The following MEOX2 variants were observed in gnomAD, a reference collection of about 807,000 sequenced individuals.
MEOX2 encodes the protein mesenchyme homeobox 2, also known as homeobox protein MOX-2.
A neutral mutation model predicts 27.0 loss-of-function variants in MEOX2; 11 were observed. The observed-to-expected ratio is 0.41, with a 90% CI of 0.26 to 0.68. MEOX2 has a LOEUF of 0.68. Among genes scored for constraint, MEOX2 ranks in the 30% least tolerant of loss-of-function variants. MEOX2 has a pLI of 0.33. For missense variants in MEOX2, 436 were observed against 385.4 expected, an observed-to-expected ratio of 1.13 and a Z score of -1.10; for synonymous variants, 189 against 155.4, an observed-to-expected ratio of 1.22 and a Z score of -1.61.
chr7:15,613,279 A>G (rs1456821388), intron 2 of MEOX2, among the ~76,000 whole-genome samples: 1 of 152,078 alleles, frequency 6.6e-6, no homozygotes, highest in Non-Finnish European at 1.5e-5. Flanking sequence ...CCAAGATTAT[A>G]TACTACATCA....
chr7:15,679,389 T>C (rs979156853), intron 1 of MEOX2: 2 of 152,110 alleles, frequency 1.3e-5, no homozygotes. Flanking sequence ...CTTATAATCA[T>C]AATTTTAATC....
chr7:15,684,282 A>G (rs1329274016), intron 1 of MEOX2, among the ~76,000 whole-genome samples: 1 of 152,202 alleles, frequency 6.6e-6, no homozygotes, highest in Non-Finnish European at 1.5e-5. Context: ...TTACACTGAT[A>G]TCAAATGTTC....
rs146116757 is a variant in MEOX2, at chr7:15,631,906, A to ATGTGTGTGTG, written c.518-4998_518-4989dup. 4.9e-4 allele frequency among the ~76,000 whole-genome samples: 63 copies of ATGTGTGTGTG among 129,426 alleles called. 1 individual carries two copies. In the East Asian group the frequency reaches 5.0e-3, roughly 10 times the overall value. 84.9% of individuals were successfully genotyped at this position (129,426 alleles called of 152,430 possible). A position where few individuals can be genotyped will look rare whatever the true frequency, so the allele number is the denominator to read the frequency against. ...AAAGAGCAAGTTAAGCCAAGGTTAA[A>ATGTGTGTGTG]TGTGTGTGTGTGTGTGTGTGTGTGT... On this transcript the variant is annotated intron_variant, in intron 1 of 2. Coordinates refer to ENST00000262041, the MANE Select transcript of MEOX2 (RefSeq NM_005924.5).
chr7:15,626,712 A>T (rs780675798), intron 2 of MEOX2, 34 bp downstream of exon 2: 6 of 1,540,736 alleles, frequency 3.9e-6, no homozygotes, highest in Non-Finnish European at 5.3e-6. Context: ...AGGGCAATTA[A>T]AAAAGATCAT....
intron 1 of MEOX2, among the ~76,000 whole-genome samples, chr7:15,669,984 C>T (rs1782069994): frequency 6.6e-6 from 1 of 152,192 alleles, no homozygotes; most frequent in African/African-American, 2.4e-5. Flanking sequence ...TGTCTCCTCC[C>T]CATTCCTCAA....
intron 1 of MEOX2, among the ~76,000 whole-genome samples, chr7:15,651,850 C>T (rs957458426): frequency 6.6e-6 from 1 of 151,994 alleles, no homozygotes; most frequent in African/African-American, 2.4e-5. Context: ...ATGATTTCAA[C>T]AATCTCAGGG....
rs1436084001 is a variant in MEOX2 at position 15,686,307 on chromosome 7, T to A, written c.96A>T (p.Arg32Ser). ...GCTCGGGGTAAGACATATGGTCAGA[T>A]CTTCCATGGAGGGCGAGAGAGGATT... The part of the protein sequence containing the change: ...FSQSSLALHG[R>S]SDHMSYPELS... Residue 32 changes from arginine to serine, a missense_variant, in exon 1 of 3, where the codon AGA becomes AGT. Coordinates refer to ENST00000262041, the MANE Select transcript of MEOX2 (RefSeq NM_005924.5). 1.9e-6 allele frequency: 3 copies of A among 1,610,402 alleles called. No individual in the cohort carries two copies. Among genetic ancestry groups the A allele is most frequent in the African/African-American group, 1.3e-5 (1 of 74,936 alleles).
chr7:15,637,042 C>G (rs1781489806), intron 1 of MEOX2, among the ~76,000 whole-genome samples: 1 of 151,950 alleles, frequency 6.6e-6, no homozygotes, highest in Non-Finnish European at 1.5e-5. Flanking sequence ...TAGAATTATC[C>G]ATTTATTTAT....
chr7:15,643,453 T>G (rs909450841), intron 1 of MEOX2, among the ~76,000 whole-genome samples: 1 of 151,914 alleles, frequency 6.6e-6, no homozygotes, highest in Admixed American at 6.6e-5. Flanking sequence ...TTCAGTGGTG[T>G]CCCTCCTGTG....
At chr7:15,652,947 C>T (rs180947397) in intron 1 of MEOX2, among the ~76,000 whole-genome samples, 2 of 152,028 alleles carry the variant, frequency 1.3e-5, no homozygotes, top group Non-Finnish European at 2.9e-5. Flanking sequence ...TATTCATGCA[C>T]AGATATTTGT....
intron 1 of MEOX2, among the ~76,000 whole-genome samples, chr7:15,641,398 T>G (rs1008050090): frequency 3.3e-5 from 5 of 152,142 alleles, no homozygotes; most frequent in African/African-American, 1.2e-4. Flanking sequence ...TTAACTGTTG[T>G]TGGTTTGAAG....
At chr7:15,651,521 G>A (rs1005052639) in intron 1 of MEOX2, among the ~76,000 whole-genome samples, 2 of 151,932 alleles carry the variant, frequency 1.3e-5, no homozygotes, top group African/African-American at 4.8e-5. Flanking sequence ...CTAGAGTGCT[G>A]ATTATGCACC....
intron 1 of MEOX2, among the ~76,000 whole-genome samples, chr7:15,678,252 C>T (rs985184237): frequency 9.9e-5 from 15 of 152,198 alleles, no homozygotes; most frequent in African/African-American, 3.1e-4. Context: ...ACTACACATA[C>T]TAAGACCTCA....
chr7:15,620,929 G>C (rs1310871983), intron 2 of MEOX2, among the ~76,000 whole-genome samples: 1 of 151,530 alleles, frequency 6.6e-6, no homozygotes, highest in Non-Finnish European at 1.5e-5. Flanking sequence ...GTCTATATTT[G>C]GCAGCCTTAA....
intron 2 of MEOX2, among the ~76,000 whole-genome samples, chr7:15,623,634 T>C (rs538066465): frequency 6.6e-6 from 1 of 152,216 alleles, no homozygotes; most frequent in Non-Finnish European, 1.5e-5. Context: ...CTTCCCAAAG[T>C]GCTGGGACAA....
chr7:15,663,243 T>C (rs1250341622), intron 1 of MEOX2, among the ~76,000 whole-genome samples: 1 of 152,080 alleles, frequency 6.6e-6, no homozygotes, highest in Non-Finnish European at 1.5e-5. Flanking sequence ...TGAAAATTAA[T>C]GAGTAAGAAG....
At chr7:15,677,184 G>T (rs11768065) in intron 1 of MEOX2, among the ~76,000 whole-genome samples, 6,685 of 152,154 alleles carry the variant, frequency 0.044, 165 homozygotes, top group African/African-American at 0.063. Flanking sequence ...ATGCAAACAG[G>T]TAGCATAAAA....
chr7:15,685,936 G>A lies in MEOX2; in HGVS notation c.467C>T (p.Pro156Leu), dbSNP rs751911345. The A allele has an allele frequency of 4.3e-6, 7 of 1,611,374 alleles. No individual in the cohort carries two copies. In the South Asian group the frequency reaches 6.6e-5, roughly 15 times the overall value. The change falls in exon 1 of 3, where the codon CCT (proline) becomes CTT (leucine). Residue 156 changes from proline (P) to leucine (L), a missense_variant. Transcript: ENST00000262041. ...PGDYGRQALS[P>L]AEAEKRSGGK... ...GCCGCTTCGCTTCTCCGCCTCCGCA[G>A]GTGACAGTGCCTGGCGGCCGTAGTC... is the stretch of plus-strand genomic sequence containing the variant.
intron 1 of MEOX2, among the ~76,000 whole-genome samples, chr7:15,668,996 C>A (rs1053188316): frequency 5.3e-5 from 8 of 152,046 alleles, no homozygotes; most frequent in African/African-American, 1.9e-4. Context: ...TTACTATGTC[C>A]ACGGAAAAAA....
Sources: allele counts gnomAD v4.1 joint callset (sites outside exome capture counted in the v4.1 genomes callset), GRCh38; gene constraint gnomAD v4.1.1; transcripts MANE v1.5; gene names NCBI Gene and HGNC (gene_info 2026-07-23, HGNC 2026-07-21).